Variants in ITGA2 observed in about 807,000 individuals in gnomAD.
ITGA2 encodes the protein integrin subunit alpha 2.
Under a neutral mutation model 146.3 loss-of-function variants are expected in ITGA2, and 101 were observed. The observed-to-expected ratio is 0.69, with a 90% CI of 0.59 to 0.81. ITGA2 has a LOEUF of 0.81. ITGA2 is among the 40% of genes least tolerant of loss of function. The pLI is 0.00. For missense variants in ITGA2, 1,281 were observed against 1,402.7 expected (o/e 0.91, Z 1.39); for synonymous variants, 477 against 487.1 (o/e 0.98, Z 0.27).
At position 53,071,931 on chromosome 5, in the gene ITGA2, T is replaced by C. The variant is rs1355043066; in HGVS notation, c.2236-7T>C. The C allele has an allele frequency of 5.0e-6, 8 of 1,606,514 alleles. No homozygotes were observed. In the Admixed American group the frequency reaches 6.7e-5, roughly 13 times the overall value. Reference sequence around the variant, plus strand: ...CCCCCTGTATGTTTGTGTGTGTGTATGTTTAGGAGCCCTCTGATGTTGTCA... The same window carrying C: ...CCCCCTGTATGTTTGTGTGTGTGTACGTTTAGGAGCCCTCTGATGTTGTCA... On this transcript the variant is annotated splice_polypyrimidine_tract_variant and splice_region_variant and intron_variant, in intron 17 of 29. Transcript: ENST00000296585.
At chr5:53,024,245 G>A (rs1277717638) in intron 1 of ITGA2, among the ~76,000 whole-genome samples, 1 of 152,052 alleles carries the variant, frequency 6.6e-6, no homozygotes, top group African/African-American at 2.4e-5. Context: ...TTCTGACATA[G>A]GCAGACATAA....
chr5:53,086,561 CAT>C (rs1308447913), intron 27 of ITGA2, among the ~76,000 whole-genome samples: 1 of 152,180 alleles, frequency 6.6e-6, no homozygotes, highest in African/African-American at 2.4e-5. Flanking sequence ...AATTTTCTCT[CAT>C]GTCACAAACT....
rs990523178 is a variant in ITGA2 at position 53,093,537 on chromosome 5, C to A, written c.*2938C>A. 5.9e-5 allele frequency: 9 copies of A among 152,106 alleles called. No homozygotes were observed. Among genetic ancestry groups the A allele is most frequent in the African/African-American group, 2.2e-4 (9 of 41,398 alleles). The allele number at this position is 152,106 out of a possible 1,614,324, so 9.4% of individuals were successfully genotyped here. The stretch of plus-strand genomic sequence containing the variant: ...TACCCGATGCCAGAGCATGCTCCCC[C>A]CGCAGTCATGACAATCAAAAAATGT... On this transcript the variant is annotated 3_prime_UTR_variant, in exon 30 of 30. Transcript: ENST00000296585.
At chr5:53,026,895 T>A (rs1268710755) in intron 2 of ITGA2, 27 bp downstream of exon 2, 2 of 1,588,034 alleles carry the variant, frequency 1.3e-6, no homozygotes, top group Non-Finnish European at 1.7e-6. Context: ...CTTTATGATT[T>A]CAGTAAAAAT....
intron 17 of ITGA2, 150 bp from the exon 18 acceptor site, chr5:53,071,788 T>C (rs1745408311): frequency 1.4e-6 from 1 of 693,302 alleles, no homozygotes; most frequent in Admixed American, 2.1e-5. Flanking sequence ...AGAGTCTTGA[T>C]TATTCACAAC....
chr5:53,085,848 CA>C (rs998243905), intron 27 of ITGA2, among the ~76,000 whole-genome samples: 1 of 152,178 alleles, frequency 6.6e-6, no homozygotes, highest in Admixed American at 6.5e-5. Context: ...ACAGTAGCAT[CA>C]GACCTAATGT....
intron 2 of ITGA2, among the ~76,000 whole-genome samples, chr5:53,028,462 G>A (rs140908860): frequency 6.6e-6 from 1 of 152,206 alleles, no homozygotes; most frequent in Non-Finnish European, 1.5e-5. Context: ...ATACGAGAGA[G>A]AGTTGCATGT....
intron 1 of ITGA2, among the ~76,000 whole-genome samples, chr5:52,998,205 C>T (rs897540116): frequency 2.6e-5 from 4 of 152,126 alleles, no homozygotes; most frequent in African/African-American, 7.2e-5. Flanking sequence ...TGCAGTGGCT[C>T]ATGCCTGTAA....
intron 1 of ITGA2, among the ~76,000 whole-genome samples, chr5:53,014,796 G>C (rs980431260): frequency 6.6e-6 from 1 of 152,028 alleles, no homozygotes; most frequent in Non-Finnish European, 1.5e-5. Flanking sequence ...GGTTTATCCA[G>C]TTTCAGTTTC....
intron 4 of ITGA2, 127 bp from the exon 5 acceptor site, chr5:53,048,236 G>A: frequency 1.3e-6 from 1 of 769,682 alleles, no homozygotes; most frequent in Non-Finnish European, 2.3e-6. Flanking sequence ...CTGACTCATT[G>A]GTTTTGAGTT....
At chr5:53,042,621 CTG>C (rs1374148540) in intron 3 of ITGA2, among the ~76,000 whole-genome samples, 1 of 152,146 alleles carries the variant, frequency 6.6e-6, no homozygotes, top group Non-Finnish European at 1.5e-5. Flanking sequence ...CAAAAACACT[CTG>C]TGTTTCTTGT....
intron 1 of ITGA2, among the ~76,000 whole-genome samples, chr5:53,002,593 C>T (rs1462876305): frequency 6.6e-6 from 1 of 152,020 alleles, no homozygotes; most frequent in Non-Finnish European, 1.5e-5. Context: ...TAACTATTGT[C>T]CCATTGTTGG....
intron 1 of ITGA2, among the ~76,000 whole-genome samples, chr5:52,995,090 GA>G: frequency 6.6e-6 from 1 of 152,316 alleles, no homozygotes; most frequent in Middle Eastern, 3.4e-3. Context: ...TTCTTGAATA[GA>G]ATACTGACGC....
At chr5:53,083,737 G>A (rs898919753) in intron 27 of ITGA2, among the ~76,000 whole-genome samples, 3 of 152,110 alleles carry the variant, frequency 2.0e-5, no homozygotes, top group Non-Finnish European at 2.9e-5. Flanking sequence ...TCATCTCTGC[G>A]GCCCTGGGCT....
chr5:53,072,734 T>C (rs766259710), intron 19 of ITGA2, 39 bp downstream of exon 19: 21 of 1,451,544 alleles, frequency 1.4e-5, no homozygotes, highest in Non-Finnish European at 1.8e-5. Context: ...AATGTAGAAA[T>C]AAAAGACATA....
At chr5:53,055,733 T>G in intron 8 of ITGA2, 45 bp downstream of exon 8, 2 of 1,604,070 alleles carry the variant, frequency 1.2e-6, no homozygotes, top group Non-Finnish European at 1.7e-6. Context: ...ATTGGGTAAA[T>G]CTTTCTTTAT....
chr5:53,047,496 C>T (rs919039458), intron 4 of ITGA2, among the ~76,000 whole-genome samples: 1 of 152,136 alleles, frequency 6.6e-6, no homozygotes, highest in African/African-American at 2.4e-5. Context: ...TGCCATTCAG[C>T]GTTAGTGACT....
chr5:53,057,225 G>A (rs921057870), intron 9 of ITGA2, among the ~76,000 whole-genome samples: 2 of 151,742 alleles, frequency 1.3e-5, no homozygotes, highest in African/African-American at 4.8e-5. Context: ...TGGACTTTGG[G>A]GAACATTATT....
chr5:52,997,018 T>C (rs950297028), intron 1 of ITGA2, among the ~76,000 whole-genome samples: 5 of 152,256 alleles, frequency 3.3e-5, no homozygotes, highest in Non-Finnish European at 7.3e-5. Flanking sequence ...AAGAAGTTGA[T>C]GTCTATTCTT....
Sources: gnomAD v4.1 joint callset for allele counts (sites outside exome capture counted in the v4.1 genomes callset) on GRCh38, gnomAD v4.1.1 for gene constraint, MANE v1.5 for transcripts, NCBI Gene and HGNC (gene_info 2026-07-23, HGNC 2026-07-21) for gene names.